Variants in ADAMTS2 observed in about 807,000 individuals in gnomAD.
ADAMTS2 encodes the protein ADAM metallopeptidase with thrombospondin type 1 motif 2.
ADAMTS2 carries 50 observed loss-of-function variants against 123.0 expected under a neutral mutation model. The observed-to-expected ratio is 0.41, with a 90% CI of 0.32 to 0.51. ADAMTS2 has a LOEUF of 0.51. Among genes scored for constraint, ADAMTS2 ranks in the 20% least tolerant of loss-of-function variants. The pLI, the probability that ADAMTS2 is intolerant of heterozygous loss-of-function variation, is 0.35. For missense variants in ADAMTS2, 1,494 were observed against 1,705.2 expected (o/e 0.88, Z 2.18); for synonymous variants, 678 against 695.4 (o/e 0.98, Z 0.39).
chr5:179,224,013 T>C (rs900398537), intron 3 of ADAMTS2, among the ~76,000 whole-genome samples: 1 of 152,246 alleles, frequency 6.6e-6, no homozygotes, highest in African/African-American at 2.4e-5. Context: ...GTTATCCTTA[T>C]GCTACTTCTG....
At chr5:179,315,535 C>A (rs1756968040) in intron 2 of ADAMTS2, among the ~76,000 whole-genome samples, 1 of 152,238 alleles carries the variant, frequency 6.6e-6, no homozygotes, top group African/African-American at 2.4e-5. Flanking sequence ...TAGAAGCTGG[C>A]ATGAGCCCTC....
intron 3 of ADAMTS2, among the ~76,000 whole-genome samples, chr5:179,223,075 A>C (rs1301882400): frequency 6.6e-6 from 1 of 152,042 alleles, no homozygotes; most frequent in African/African-American, 2.4e-5. Flanking sequence ...CAAAACCTTC[A>C]TTTTCATTCA....
Position 179,155,800 on chromosome 5 carries a change from C to A in ADAMTS2, c.1133-881G>T, listed in dbSNP as rs974543293. Among the ~76,000 whole-genome samples the A allele has an allele frequency of 1.3e-5, 2 of 152,124 alleles. No homozygotes were observed. Among genetic ancestry groups the A allele is most frequent in the African/African-American group, 2.4e-5 (1 of 41,432 alleles). On this transcript the variant is annotated intron_variant, in intron 6 of 21. Transcript: ENST00000251582. This position sits in a 1 kb window ranked among gnomAD's most constrained non-coding sequence, Gnocchi z 5.1. Reference sequence around the variant, plus strand: ...GGAGTCTTCCTAGAGGCCTGCCAAGCATGGAGCCCTGACTTTCAGAACCCC... The same window carrying A: ...GGAGTCTTCCTAGAGGCCTGCCAAGAATGGAGCCCTGACTTTCAGAACCCC...
At chr5:179,259,685 G>A (rs556867758) in intron 3 of ADAMTS2, among the ~76,000 whole-genome samples, 1 of 152,350 alleles carries the variant, frequency 6.6e-6, no homozygotes, top group South Asian at 2.1e-4. Context: ...GCATGGACAG[G>A]GCCATCTTCC....
intron 6 of ADAMTS2, 47 bp from the exon 7 acceptor site, chr5:179,154,966 G>A (rs769626814): frequency 2.0e-5 from 31 of 1,535,782 alleles, no homozygotes; most frequent in South Asian, 1.6e-4. Context: ...TAGCCTGGCC[G>A]GGAAGGTGAG....
In ADAMTS2 at chr5:179,121,861, C is replaced by G. The variant is rs1024317402; in HGVS notation, c.3089-111G>C. 2.2e-5 allele frequency: 15 copies of G among 680,628 alleles called. No individual in the cohort carries two copies. The African/African-American group carries it at 2.6e-4, about 12-fold the overall frequency. The allele number at this position is 680,628 out of a possible 1,614,324, so 42.2% of individuals were successfully genotyped here. On this transcript the variant is annotated intron_variant, in intron 20 of 21. Transcript: ENST00000251582. ...TCCTGGGGAAGCGTCATTCAAGGCCCTCGCCTCCCCGGGCGGACAAAGGGT... is the reference window on the plus strand; with the variant it reads ...TCCTGGGGAAGCGTCATTCAAGGCCGTCGCCTCCCCGGGCGGACAAAGGGT...
At chr5:179,305,780 G>T (rs969456119) in intron 2 of ADAMTS2, among the ~76,000 whole-genome samples, 4 of 151,982 alleles carry the variant, frequency 2.6e-5, no homozygotes, top group African/African-American at 9.7e-5. Flanking sequence ...ACCAGTATCA[G>T]AATATTTTTA....
chr5:179,137,080 A>G (rs1581146565), intron 12 of ADAMTS2, among the ~76,000 whole-genome samples: 1 of 152,008 alleles, frequency 6.6e-6, no homozygotes, highest in Non-Finnish European at 1.5e-5. Context: ...CTCAGCCTTT[A>G]TCTGAGGCAA....
At chr5:179,239,803 G>A (rs1412789883) in intron 3 of ADAMTS2, among the ~76,000 whole-genome samples, 1 of 152,138 alleles carries the variant, frequency 6.6e-6, no homozygotes, top group Non-Finnish European at 1.5e-5. Flanking sequence ...CAAAGGAAAC[G>A]GGGATGAACT....
At chr5:179,326,912 C>T (rs1279831818) in intron 2 of ADAMTS2, among the ~76,000 whole-genome samples, 1 of 152,094 alleles carries the variant, frequency 6.6e-6, no homozygotes, top group African/African-American at 2.4e-5. Context: ...AATGACCGTT[C>T]CAAAGCCCAT....
chr5:179,259,979 A>T (rs1013223239), intron 3 of ADAMTS2, among the ~76,000 whole-genome samples: 19 of 152,250 alleles, frequency 1.2e-4, no homozygotes, highest in Non-Finnish European at 2.4e-4. Context: ...TCCCTTGTTC[A>T]AAAAGTGATT....
At chr5:179,324,997 C>T (rs965417512) in intron 2 of ADAMTS2, among the ~76,000 whole-genome samples, 2 of 152,192 alleles carry the variant, frequency 1.3e-5, no homozygotes, top group African/African-American at 4.8e-5. Context: ...CTTCAGCCAC[C>T]CGATCACACC....
Position 179,272,316 on chromosome 5 carries a change from T to C in ADAMTS2, c.688+595A>G, listed in dbSNP as rs942319831. Among the ~76,000 whole-genome samples the C allele has an allele frequency of 1.3e-5, 2 of 152,210 alleles. No individual in the cohort carries two copies. The highest frequency in any genetic ancestry group is 4.8e-5 in the African/African-American group (2 of 41,464). ...CTGAGTTGAAAAAGACAGACGCCCA[T>C]GAGTCTGTGCAGAGACTGCTGAGGC... On this transcript the variant is annotated intron_variant, in intron 3 of 21. Coordinates refer to ENST00000251582, the MANE Select transcript of ADAMTS2 (RefSeq NM_014244.5). This position sits in a 1 kb window ranked among gnomAD's most constrained non-coding sequence, Gnocchi z 5.8.
chr5:179,217,260 A>G (rs1350000445), intron 3 of ADAMTS2, among the ~76,000 whole-genome samples: 2 of 152,220 alleles, frequency 1.3e-5, no homozygotes, highest in Non-Finnish European at 2.9e-5. Flanking sequence ...AAAAGGTAAG[A>G]AACAGAATGA....
intron 5 of ADAMTS2, among the ~76,000 whole-genome samples, chr5:179,166,069 G>A (rs1055193359): frequency 6.6e-6 from 1 of 152,156 alleles, no homozygotes; most frequent in African/African-American, 2.4e-5. Context: ...TCCACTGCCC[G>A]AGTGCTCTGG....
At chr5:179,176,778 C>T (rs529658672) in intron 5 of ADAMTS2, among the ~76,000 whole-genome samples, 5 of 152,330 alleles carry the variant, frequency 3.3e-5, no homozygotes, top group South Asian at 2.1e-4. Context: ...AACCCCTTGG[C>T]GGGAGACGCA....
At chr5:179,336,352 C>T (rs1185921879) in intron 2 of ADAMTS2, among the ~76,000 whole-genome samples, 3 of 152,258 alleles carry the variant, frequency 2.0e-5, no homozygotes, top group African/African-American at 7.2e-5. Flanking sequence ...GGAGGAAGGA[C>T]CGCTACTTCG....
At chr5:179,194,372 C>T (rs1764372394) in intron 4 of ADAMTS2, among the ~76,000 whole-genome samples, 1 of 152,212 alleles carries the variant, frequency 6.6e-6, no homozygotes, top group East Asian at 1.9e-4. Flanking sequence ...CCACGACATC[C>T]CCAGCACCTA....
Position 179,181,033 on chromosome 5 carries a change from G to T in ADAMTS2, c.975+39C>A, listed in dbSNP as rs753634203. On this transcript the variant is annotated intron_variant, in intron 5 of 21. Transcript: ENST00000251582. The surrounding 1 kb of genome is among the most constrained non-coding windows in gnomAD (Gnocchi z 4.1). ...CTCACTCCCAGGCCCCTCACTCCGA[G>T]GGGGTGGAGGCAGGCCCGGCTGGCC... 3.3e-6 allele frequency: 5 copies of T among 1,531,170 alleles called. No homozygotes were observed. Among genetic ancestry groups the T allele is most frequent in the Admixed American group, 3.3e-5 (2 of 59,864 alleles). 94.8% of individuals were successfully genotyped at this position (1,531,170 alleles called of 1,614,324 possible). A position where few individuals can be genotyped will look rare whatever the true frequency, so the allele number is the denominator to read the frequency against.
Sources: allele counts gnomAD v4.1 joint callset (sites outside exome capture counted in the v4.1 genomes callset), GRCh38; gene constraint gnomAD v4.1.1; non-coding constraint Gnocchi (gnomAD v3.1); transcripts MANE v1.5; gene names NCBI Gene and HGNC (gene_info 2026-07-23, HGNC 2026-07-21).